Variants in FAM168A observed in about 807,000 individuals in gnomAD.
FAM168A encodes the protein protein FAM168A.
A neutral mutation model predicts 28.5 loss-of-function variants in FAM168A; 3 were observed. The observed-to-expected ratio is 0.11, with a 90% CI of 0.05 to 0.27. The LOEUF (loss-of-function observed/expected upper bound fraction) is 0.27, where lower values mean the gene tolerates loss of function less well. Among genes scored for constraint, FAM168A ranks in the 10% least tolerant of loss-of-function variants. The pLI, the probability that FAM168A is intolerant of heterozygous loss-of-function variation, is 1.00. For synonymous variants in FAM168A, 122 were observed against 124.2 expected, an observed-to-expected ratio of 0.98 and a Z score of 0.12; for missense variants, 222 against 311.5, an observed-to-expected ratio of 0.71 and a Z score of 2.16.
At chr11:73,443,776 T>C (rs1867248306) in intron 2 of FAM168A, among the ~76,000 whole-genome samples, 1 of 152,230 alleles carries the variant, frequency 6.6e-6, no homozygotes, top group Non-Finnish European at 1.5e-5. Context: ...TTTTGATATT[T>C]TAAAAAATAG....
At chr11:73,464,750 T>C (rs1867707127) in intron 2 of FAM168A, among the ~76,000 whole-genome samples, 1 of 152,238 alleles carries the variant, frequency 6.6e-6, no homozygotes, top group South Asian at 2.1e-4. Context: ...TCTCCCGTTT[T>C]AGAATTATTT....
chr11:73,556,571 T>C (rs1372490896), intron 1 of FAM168A, among the ~76,000 whole-genome samples: 1 of 151,766 alleles, frequency 6.6e-6, no homozygotes, highest in African/African-American at 2.4e-5. Flanking sequence ...TTGTGTTTAA[T>C]GGGTAGAGAA....
At chr11:73,464,056 T>A (rs763265133) in intron 2 of FAM168A, among the ~76,000 whole-genome samples, 6 of 152,126 alleles carry the variant, frequency 3.9e-5, no homozygotes, top group Admixed American at 1.3e-4. Flanking sequence ...GTCCAAGACA[T>A]AGCCATGTAT....
At chr11:73,425,483 C>A (rs780134970) in intron 3 of FAM168A, among the ~76,000 whole-genome samples, 1 of 152,228 alleles carries the variant, frequency 6.6e-6, no homozygotes, top group African/African-American at 2.4e-5. Flanking sequence ...AGAGATAGGA[C>A]CAGTGCAGAG....
chr11:73,509,340 T>G (rs1334545272), intron 1 of FAM168A, among the ~76,000 whole-genome samples: 5 of 152,220 alleles, frequency 3.3e-5, no homozygotes, highest in Admixed American at 3.3e-4. Flanking sequence ...CAAGGATGGC[T>G]TAAGAATTCC....
At chr11:73,573,393 A>G (rs190786996) in intron 1 of FAM168A, among the ~76,000 whole-genome samples, 4 of 152,200 alleles carry the variant, frequency 2.6e-5, no homozygotes, top group African/African-American at 9.6e-5. Flanking sequence ...TCCTTGTTCT[A>G]GGGATCAAGA....
At chr11:73,571,636 T>G (rs1437382104) in intron 1 of FAM168A, among the ~76,000 whole-genome samples, 1 of 152,122 alleles carries the variant, frequency 6.6e-6, no homozygotes, top group Non-Finnish European at 1.5e-5. Flanking sequence ...CCTCCCAAAG[T>G]GCAGAGATTG....
At chr11:73,533,667 A>G (rs1943542773) in intron 1 of FAM168A, among the ~76,000 whole-genome samples, 1 of 152,204 alleles carries the variant, frequency 6.6e-6, no homozygotes. Flanking sequence ...GTATTAGGGT[A>G]TTTAGTATAA....
intron 1 of FAM168A, among the ~76,000 whole-genome samples, chr11:73,539,959 A>G (rs1490067167): frequency 1.3e-5 from 2 of 152,352 alleles, no homozygotes; most frequent in East Asian, 3.9e-4. Context: ...TCCAGTGATG[A>G]GGAAAGATGA....
intron 2 of FAM168A, among the ~76,000 whole-genome samples, chr11:73,438,137 CCAT>C (rs1867125932): frequency 6.6e-6 from 1 of 152,070 alleles, no homozygotes; most frequent in African/African-American, 2.4e-5. Flanking sequence ...ATCATCATCA[CCAT>C]CATCATCATA....
At chr11:73,571,626 C>G (rs1388417257) in intron 1 of FAM168A, among the ~76,000 whole-genome samples, 4 of 152,148 alleles carry the variant, frequency 2.6e-5, no homozygotes, top group Admixed American at 6.5e-5. Context: ...CCTGCCTTGG[C>G]CTCCCAAAGT....
intron 1 of FAM168A, among the ~76,000 whole-genome samples, chr11:73,568,827 G>A (rs1271577032): frequency 2.0e-5 from 3 of 152,008 alleles, no homozygotes; most frequent in Non-Finnish European, 2.9e-5. Context: ...CCCAGGAGGC[G>A]GAGGTTGCAG....
intron 1 of FAM168A, among the ~76,000 whole-genome samples, chr11:73,477,954 TAG>T (rs1260104903): frequency 1.3e-5 from 2 of 150,868 alleles, no homozygotes; most frequent in African/African-American, 2.5e-5. Flanking sequence ...GATAGATAGA[TAG>T]ATAGATAGAT....
intron 2 of FAM168A, among the ~76,000 whole-genome samples, chr11:73,455,997 A>AGG (rs1867525234): frequency 6.6e-6 from 1 of 152,240 alleles, no homozygotes; most frequent in Admixed American, 6.5e-5. Flanking sequence ...TAGGGCCTTT[A>AGG]GAGCCAGGCA....
chr11:73,414,708 CTATTAT>C (rs569606301), intron 4 of FAM168A, among the ~76,000 whole-genome samples: 2 of 152,202 alleles, frequency 1.3e-5, no homozygotes, highest in Non-Finnish European at 2.9e-5. Context: ...TAAAGATCAG[CTATTAT>C]TATTTTCTCT....
chr11:73,529,324 C>A (rs1248751340), intron 1 of FAM168A, among the ~76,000 whole-genome samples: 4 of 152,212 alleles, frequency 2.6e-5, no homozygotes, highest in Non-Finnish European at 1.5e-5. Flanking sequence ...CTCTTACTTT[C>A]TGTATAACTT....
chr11:73,485,743 T>C (rs753941513), intron 1 of FAM168A, among the ~76,000 whole-genome samples: 7 of 152,188 alleles, frequency 4.6e-5, no homozygotes, highest in Non-Finnish European at 8.8e-5. Context: ...GAAGATGGTA[T>C]AATGAGTCTC....
At chr11:73,524,145 G>A (rs950423296) in intron 1 of FAM168A, among the ~76,000 whole-genome samples, 8 of 152,200 alleles carry the variant, frequency 5.3e-5, no homozygotes, top group African/African-American at 1.9e-4. Flanking sequence ...CTGCTTTTGA[G>A]AAATCAAATG....
chr11:73,428,476 C>T (rs1440984182), intron 3 of FAM168A, among the ~76,000 whole-genome samples: 1 of 152,188 alleles, frequency 6.6e-6, no homozygotes, highest in South Asian at 2.1e-4. Context: ...TCCAATGAGG[C>T]CACTGATGGC....
Sources: allele counts gnomAD v4.1 joint callset (sites outside exome capture counted in the v4.1 genomes callset), GRCh38; gene constraint gnomAD v4.1.1; transcripts MANE v1.5; gene names NCBI Gene and HGNC (gene_info 2026-07-23, HGNC 2026-07-21).